Variants in C3orf33 observed in about 807,000 individuals in gnomAD.
C3orf33 encodes the protein mitochondrial inner membrane subdomain organizer 1.
In C3orf33, 23 loss-of-function variants were observed where a neutral mutation model predicts 28.7. The ratio of observed to expected loss-of-function variants is 0.80; its 90% confidence interval spans 0.58 to 1.13. The LOEUF (loss-of-function observed/expected upper bound fraction) is 1.13. Among genes scored for constraint, C3orf33 ranks in the 50% most tolerant of loss-of-function variants. The pLI is 0.00. For missense variants in C3orf33, 327 were observed against 353.4 expected (o/e 0.93, Z 0.60); for synonymous variants, 119 against 120.5 (o/e 0.99, Z 0.08).
At chr3:155,767,399 G>T in intron 4 of C3orf33, 110 bp downstream of exon 4, 1 of 766,948 alleles carries the variant, frequency 1.3e-6, no homozygotes. Context: ...AGTTTAAAAG[G>T]CAAAAAAAAG....
At chr3:155,781,154 C>T (rs901408944) in intron 2 of C3orf33, among the ~76,000 whole-genome samples, 6 of 151,384 alleles carry the variant, frequency 4.0e-5, no homozygotes, top group Non-Finnish European at 5.9e-5. Flanking sequence ...TCCGCCACCG[C>T]GCCCGGCTAA....
At position 155,763,782 on chromosome 3, in the gene C3orf33, G is replaced by A. The variant is rs575233706; in HGVS notation, c.620C>T (p.Thr207Ile). The change falls in exon 5 of 5, where the codon ACA becomes ATA. Residue 207 changes from threonine to isoleucine, a missense_variant. Thr to Ile is a moderately conservative substitution (Grantham distance 89). Coordinates refer to ENST00000340171, the MANE Select transcript of C3orf33 (RefSeq NM_001308229.2). Reference protein sequence around the residue: ...VHRNLLKAELTALKKGEGIWK... With the variant: ...VHRNLLKAELIALKKGEGIWK... Reference sequence around the variant, plus strand: ...TATTCCTTCTCCTTTTTTTAAGGCTGTTAATTCAGCTTTAAGTAAGTTTCT... The same window carrying A: ...TATTCCTTCTCCTTTTTTTAAGGCTATTAATTCAGCTTTAAGTAAGTTTCT... 6.2e-7 allele frequency: 1 copy of A among 1,604,588 alleles called. No individual in the cohort carries two copies. Among genetic ancestry groups the A allele is most frequent in the Non-Finnish European group, 8.5e-7 (1 of 1,176,778 alleles).
chr3:155,782,528 T>C (rs1750958291), intron 2 of C3orf33, among the ~76,000 whole-genome samples: 1 of 152,160 alleles, frequency 6.6e-6, no homozygotes, highest in Admixed American at 6.5e-5. Context: ...CATAAAAGGA[T>C]CCTTAATAAG....
At chr3:155,787,500 C>T (rs545403000) in intron 2 of C3orf33, among the ~76,000 whole-genome samples, 30 of 151,670 alleles carry the variant, frequency 2.0e-4, no homozygotes, top group South Asian at 1.9e-3. Context: ...TACAGGTGCA[C>T]GCTGCCATGC....
intron 2 of C3orf33, among the ~76,000 whole-genome samples, chr3:155,789,380 C>T (rs112873133): frequency 0.018 from 2,668 of 145,604 alleles, 63 homozygotes; most frequent in African/African-American, 0.063. Flanking sequence ...TTTATAATAA[C>T]ATCACAAAGA....
chr3:155,793,161 C>A (rs1180541870), intron 2 of C3orf33, among the ~76,000 whole-genome samples: 1 of 149,928 alleles, frequency 6.7e-6, no homozygotes. Flanking sequence ...ACAAGCCAGG[C>A]GAGAGTGACA....
At chr3:155,788,466 C>T (rs1184776282) in intron 2 of C3orf33, among the ~76,000 whole-genome samples, 1 of 151,858 alleles carries the variant, frequency 6.6e-6, no homozygotes, top group South Asian at 2.1e-4. Flanking sequence ...AGGTGGATCA[C>T]GAGGTCAAGA....
chr3:155,790,990 G>C (rs1441479857), intron 2 of C3orf33, among the ~76,000 whole-genome samples: 3 of 152,156 alleles, frequency 2.0e-5, no homozygotes, highest in African/African-American at 7.2e-5. Context: ...AATGAGGGTG[G>C]CCAAGTGAAT....
intron 2 of C3orf33, among the ~76,000 whole-genome samples, chr3:155,781,090 C>T (rs375087096): frequency 0.019 from 2,911 of 150,800 alleles, 104 homozygotes; most frequent in African/African-American, 0.068. Flanking sequence ...CTCCGCTTCC[C>T]GGGTTCACGC....
Position 155,763,543 on chromosome 3 carries a change from G to T in C3orf33, c.859C>A (p.Arg287Ser). The part of the protein sequence containing the change: ...LILKFRELIS[R>S]INFRRKG ...CACCCTTTTCTACGAAAGTTTATGC[G>T]ACTTATAAGTTCTCTGAACTTCAGT... The change falls in exon 5 of 5, where the codon CGC (arginine) becomes AGC (serine). Residue 287 changes from arginine to serine, a missense_variant. Coordinates refer to ENST00000340171, the MANE Select transcript of C3orf33 (RefSeq NM_001308229.2). 1 of 1,517,648 alleles carries T rather than the reference G, an allele frequency of 6.6e-7. No individual in the cohort carries two copies. 94.0% of individuals were successfully genotyped at this position (1,517,648 alleles called of 1,614,324 possible).
At chr3:155,782,237 A>G (rs1483824194) in intron 2 of C3orf33, among the ~76,000 whole-genome samples, 1 of 151,862 alleles carries the variant, frequency 6.6e-6, no homozygotes, top group Non-Finnish European at 1.5e-5. Context: ...AAGAAAAGGG[A>G]ACAGGGCCTA....
Position 155,767,688 on chromosome 3 carries a change from AAAGAGT to A in C3orf33, c.323-25_323-20del. ...GGCTCTTCTAAAAAGGTTAGGTAGAAAAGAGTTTAGCTTTAACAGCATGTTGCAAAA... is the reference window on the plus strand; with the variant it reads ...GGCTCTTCTAAAAAGGTTAGGTAGAATTAGCTTTAACAGCATGTTGCAAAA... On this transcript the variant is annotated intron_variant, in intron 3 of 4. Coordinates refer to ENST00000340171, the MANE Select transcript of C3orf33 (RefSeq NM_001308229.2). 6.8e-7 allele frequency: 1 copy of A among 1,479,012 alleles called. No individual in the cohort carries two copies. Among genetic ancestry groups the A allele is most frequent in the Non-Finnish European group, 9.1e-7 (1 of 1,102,424 alleles). 91.6% of individuals were successfully genotyped at this position (1,479,012 alleles called of 1,614,324 possible).
At position 155,800,610 on chromosome 3, in the gene C3orf33, C is replaced by CAAAAAA. The variant is rs58092818; in HGVS notation, c.174+1916_174+1921dup. On this transcript the variant is annotated intron_variant, in intron 2 of 4. Transcript: ENST00000340171. ...GGTCAACAGAGTGAGACCTTATCTC[C>CAAAAAA]AAAAAAAAAAAAAAAAAAAAAAAAA... is the stretch of plus-strand genomic sequence containing the variant. Among the ~76,000 whole-genome samples the CAAAAAA allele has an allele frequency of 5.6e-3, 88 of 15,634 alleles. 20 individuals carry two copies. Among genetic ancestry groups the CAAAAAA allele is most frequent in the Non-Finnish European group, 8.0e-3 (65 of 8,112 alleles). 10.3% of individuals were successfully genotyped at this position (15,634 alleles called of 152,430 possible). A position where few individuals can be genotyped will look rare whatever the true frequency, so the allele number is the denominator to read the frequency against.
chr3:155,794,638 A>G (rs1751426620), intron 2 of C3orf33, among the ~76,000 whole-genome samples: 1 of 152,150 alleles, frequency 6.6e-6, no homozygotes, highest in Non-Finnish European at 1.5e-5. Flanking sequence ...TACAGGAAAC[A>G]TACTTCTCTT....
intron 2 of C3orf33, among the ~76,000 whole-genome samples, chr3:155,785,494 T>C (rs1751074203): frequency 6.6e-6 from 1 of 152,172 alleles, no homozygotes; most frequent in Non-Finnish European, 1.5e-5. Context: ...AAGACAGATG[T>C]CATACAAAGT....
At chr3:155,773,279 C>A (rs890870273) in intron 3 of C3orf33, among the ~76,000 whole-genome samples, 4 of 152,120 alleles carry the variant, frequency 2.6e-5, no homozygotes, top group Non-Finnish European at 4.4e-5. Context: ...TCTGAAAGTG[C>A]AAAATGATCT....
intron 2 of C3orf33, among the ~76,000 whole-genome samples, chr3:155,793,210 C>CAAA (rs35293225): frequency 5.1e-5 from 7 of 137,998 alleles, no homozygotes; most frequent in Admixed American, 7.2e-5. Flanking sequence ...ATATATGTGG[C>CAAA]AAAAAAAAAA....
intron 2 of C3orf33, among the ~76,000 whole-genome samples, chr3:155,795,182 G>C (rs1751439560): frequency 6.6e-6 from 1 of 152,206 alleles, no homozygotes; most frequent in Non-Finnish European, 1.5e-5. Context: ...CAAGCCGTGT[G>C]CGGTGGCTCA....
At chr3:155,794,696 C>T (rs111900984) in intron 2 of C3orf33, among the ~76,000 whole-genome samples, 2,929 of 151,982 alleles carry the variant, frequency 0.019, 82 homozygotes, top group African/African-American at 0.067. Flanking sequence ...AAAAGATACT[C>T]CATGCAAACA....
Sources: allele counts gnomAD v4.1 joint callset (sites outside exome capture counted in the v4.1 genomes callset), GRCh38; gene constraint gnomAD v4.1.1; transcripts MANE v1.5; gene names NCBI Gene and HGNC (gene_info 2026-07-23, HGNC 2026-07-21).